The following TTN variants were observed in gnomAD, a reference collection of about 807,000 sequenced individuals.
The protein encoded by TTN is titin, also known as connectin.
Under a neutral mutation model 3,223.0 loss-of-function variants are expected in TTN, and 1,525 were observed. The observed-to-expected ratio is 0.47, with a 90% CI of 0.45 to 0.49. The LOEUF is 0.49. TTN is among the 20% of genes least tolerant of loss of function. The probability of loss-of-function intolerance (pLI) is 0.00; values close to 1 mark genes in which losing one functional copy is unlikely to be tolerated. For missense variants in TTN, 40,786 were observed against 43,424.0 expected (o/e 0.94, Z 5.40); for synonymous variants, 14,094 against 15,161.0 (o/e 0.93, Z 5.17).
rs765097933 is a variant in TTN at position 178,551,708 on chromosome 2, G to A, written c.91192C>T (p.Arg30398Cys). ...CCAGCAGAATTTTCAGCATATACACGGAATTGGTAATCCAGACCTTCTACC... is the reference window on the plus strand; with the variant it reads ...CCAGCAGAATTTTCAGCATATACACAGAATTGGTAATCCAGACCTTCTACC... ...GLVEGLDYQF[R>C]VYAENSAGLS... The change falls in exon 335 of 363, where the codon CGT (arginine) becomes TGT (cysteine). Residue 30398 changes from arginine (R) to cysteine (C), a missense_variant. Coordinates refer to ENST00000589042, the MANE Select transcript of TTN (RefSeq NM_001267550.2). 15 of 1,613,368 alleles carry A rather than the reference G, an allele frequency of 9.3e-6. No homozygotes were observed. Among genetic ancestry groups the A allele is most frequent in the East Asian group, 2.2e-5 (1 of 44,876 alleles).
Position 178,664,518 on chromosome 2 carries a change from T to C in TTN, c.36222A>G (p.Glu12074=). 1 of 1,612,262 alleles carries C rather than the reference T, an allele frequency of 6.2e-7. No homozygotes were observed. The highest frequency in any genetic ancestry group is 8.5e-7 in the Non-Finnish European group (1 of 1,179,434). Residue 12074 remains glutamate (E), a synonymous_variant, in exon 168 of 363, where the codon GAA becomes GAG. Transcript: ENST00000589042. ...LPDEVPEALR[E]VVPEKKVHPP... is the part of the protein sequence containing the mutation. ...GATGCACTTTCTTTTCCGGGACAACTTCTCTGAGAGCCTCCGGCACTTTGA... is the reference window on the plus strand; with the variant it reads ...GATGCACTTTCTTTTCCGGGACAACCTCTCTGAGAGCCTCCGGCACTTTGA...
In TTN at chr2:178,602,459, C is replaced by T; in HGVS notation, c.54943G>A (p.Gly18315Ser). 2 of 1,612,350 alleles carry T rather than the reference C, an allele frequency of 1.2e-6. No individual in the cohort carries two copies. ...KGYIVEMQEE[G>S]TTDWKRVNEP... ...TTTACTCTTTTCCAGTCAGTAGTAC[C>T]TTCTTCTTGCATTTCTACAATGTAT... is the stretch of plus-strand genomic sequence containing the variant. The change falls in exon 283 of 363, where the codon GGT (glycine) becomes AGT (serine). Residue 18315 changes from glycine (G) to serine (S), a missense_variant. Gly to Ser is a moderately conservative substitution (Grantham distance 56). Coordinates refer to ENST00000589042, the MANE Select transcript of TTN (RefSeq NM_001267550.2).
In TTN at chr2:178,617,927, G is replaced by A; in HGVS notation, c.47424C>T (p.Ala15808=). Residue 15808 remains alanine, a synonymous_variant, in exon 253 of 363, where the codon GCC becomes GCT. Transcript: ENST00000589042. ...RDKTSIRWDT[A]MTVRAEDLSA... is the part of the protein sequence containing the mutation. ...ACAGGTCTTCAGCTCTCACAGTCAT[G>A]GCAGTATCCCACCTGATAGAAGTCT... 1 of 1,612,660 alleles carries A rather than the reference G, an allele frequency of 6.2e-7. No individual in the cohort carries two copies. Among genetic ancestry groups the A allele is most frequent in the Non-Finnish European group, 8.5e-7 (1 of 1,179,100 alleles).
intron 22 of TTN, 54 bp downstream of exon 22, chr2:178,779,946 A>G (rs1219079958): frequency 6.4e-7 from 1 of 1,567,304 alleles, no homozygotes; most frequent in East Asian, 2.2e-5. Context: ...TCAAATAAAA[A>G]AAGGAAAGTA....
chr2:178,536,185 C>A lies in TTN; in HGVS notation c.100562G>T (p.Gly33521Val). ...SNATLVCKVT[G>V]HPKPIVKWYR... ...CCATTTGACGATAGGTTTTGGATGA[C>A]CAGTCACTTTGCAGACCAAGGTAGC... is the stretch of plus-strand genomic sequence containing the variant. The change falls in exon 357 of 363, where the codon GGT becomes GTT. Residue 33521 changes from glycine to valine, a missense_variant. Transcript: ENST00000589042. 6.2e-7 allele frequency: 1 copy of A among 1,613,498 alleles called. No homozygotes were observed. The highest frequency in any genetic ancestry group is 8.5e-7 in the Non-Finnish European group (1 of 1,179,632).
At chr2:178,748,025 G>A (rs764527243) in intron 47 of TTN, 2 of 1,612,912 alleles carry the variant, frequency 1.2e-6, no homozygotes, top group Admixed American at 1.7e-5. Context: ...TGGAAATGCT[G>A]CCAACTCTGG....
chr2:178,558,090 G>C lies in TTN; in HGVS notation c.87264C>G (p.Thr29088=). 2 of 1,613,890 alleles carry C rather than the reference G, an allele frequency of 1.2e-6. No homozygotes were observed. The highest frequency in any genetic ancestry group is 1.7e-6 in the Non-Finnish European group (2 of 1,179,836). Residue 29088 remains threonine (T), a synonymous_variant, in exon 328 of 363, where the codon ACC becomes ACG. Transcript: ENST00000589042. ...LSRDGVPLKA[T]MRFNTEITAE... ...CAGTAATTTCGGTATTAAATCTCATGGTTGCCTTAAGGGGGACACCATCTC... is the reference window on the plus strand; with the variant it reads ...CAGTAATTTCGGTATTAAATCTCATCGTTGCCTTAAGGGGGACACCATCTC...
At position 178,593,536 on chromosome 2, in the gene TTN, A is replaced by T; in HGVS notation, c.58732+32T>A. On this transcript the variant is annotated intron_variant, in intron 298 of 362. Coordinates refer to ENST00000589042, the MANE Select transcript of TTN (RefSeq NM_001267550.2). The stretch of plus-strand genomic sequence containing the variant: ...TTTCTTTATATTAGTTTTATCAAGC[A>T]TTGAATCACTAAAAAGAAACATAAT... 6.2e-6 allele frequency: 10 copies of T among 1,602,534 alleles called. No homozygotes were observed. In the Admixed American group the frequency reaches 1.7e-4, roughly 28 times the overall value.
Position 178,622,784 on chromosome 2 carries a change from T to G in TTN, c.44816-17A>C. The G allele has an allele frequency of 6.4e-7, 1 of 1,569,592 alleles. No individual in the cohort carries two copies. Among genetic ancestry groups the G allele is most frequent in the Non-Finnish European group, 8.7e-7 (1 of 1,150,576 alleles). ...CATGAGGAGCTGTAAGAGAATGTCA[T>G]CAGAATTCAAAATGAGGTTTCTGGA... On this transcript the variant is annotated splice_polypyrimidine_tract_variant and intron_variant, in intron 242 of 362. Transcript: ENST00000589042.
Position 178,718,886 on chromosome 2 carries a change from G to C in TTN, c.24314C>G (p.Pro8105Arg), listed in dbSNP as rs1215904654. The change falls in exon 84 of 363, where the codon CCT (proline) becomes CGT (arginine). Residue 8105 changes from proline (P) to arginine (R), a missense_variant. By Grantham distance (103) the Pro-to-Arg change is moderately radical (BLOSUM62 -2). Transcript: ENST00000589042. ...TTTAAACCACTTGACCTTGAAAGGA[G>C]GGGTGCCTCTGATGACACTGGTGAA... The part of the protein sequence containing the change: ...LTFTSVIRGT[P>R]PFKVKWFKGS... The C allele has an allele frequency of 1.2e-6, 2 of 1,613,554 alleles. No individual in the cohort carries two copies. Among genetic ancestry groups the C allele is most frequent in the South Asian group, 2.2e-5 (2 of 91,054 alleles).
rs778208423 is a variant in TTN, at chr2:178,589,684, C to T, written c.62041G>A (p.Gly20681Arg). The change falls in exon 304 of 363, where the codon GGA becomes AGA. Residue 20681 changes from glycine (G) to arginine (R), a missense_variant. By Grantham distance (125) the Gly-to-Arg change is moderately radical. Coordinates refer to ENST00000589042, the MANE Select transcript of TTN (RefSeq NM_001267550.2). Reference protein sequence around the residue: ...EPENLHIADKGKTFVYLKWRR... With the variant: ...EPENLHIADKRKTFVYLKWRR... ...CACTTTAGATAGACAAATGTCTTTC[C>T]TTTATCTGCAATGTGAAGGTTTTCA... 1 of 1,613,514 alleles carries T rather than the reference C, an allele frequency of 6.2e-7. No individual in the cohort carries two copies. The highest frequency in any genetic ancestry group is 8.5e-7 in the Non-Finnish European group (1 of 1,179,610).
chr2:178,682,934 T>C, intron 134 of TTN, 31 bp from the exon 135 acceptor site: 2 of 1,542,086 alleles, frequency 1.3e-6, no homozygotes, highest in Non-Finnish European at 1.8e-6. Context: ...GGCAGCACTT[T>C]ACTTTAAAGC....
Position 178,679,838 on chromosome 2 carries a change from G to C in TTN, c.33580+56C>G, listed in dbSNP as rs2068933548. On this transcript the variant is annotated intron_variant, in intron 140 of 362. Coordinates refer to ENST00000589042, the MANE Select transcript of TTN (RefSeq NM_001267550.2). ...TAACCCCCAGAATCTGACCAAATCA[G>C]ACCCCCAAACTCCAAAGATGCTGTT... 7.5e-6 allele frequency: 12 copies of C among 1,598,918 alleles called. 1 individual carries two copies. The highest frequency in any genetic ancestry group is 1.0e-5 in the Non-Finnish European group (12 of 1,174,324).
chr2:178,604,041 C>T lies in TTN; in HGVS notation c.54646G>A (p.Val18216Ile), dbSNP rs2054164910. The T allele has an allele frequency of 2.5e-6, 4 of 1,612,828 alleles. No homozygotes were observed. The Admixed American group carries it at 5.0e-5, about 20-fold the overall frequency. Residue 18216 changes from valine (V) to isoleucine (I), a missense_variant, in exon 282 of 363, where the codon GTT (valine) becomes ATT (isoleucine). Val to Ile is a conservative substitution (Grantham distance 29). Transcript: ENST00000589042. ...ACTTTGGTTATTGGTGCTCGGCTAA[C>T]ACGTGACCAATAAGGACTTCCCTCT... is the stretch of plus-strand genomic sequence containing the variant. ...REEGSPYWSR[V>I]SRAPITKVGL... is the part of the protein sequence containing the mutation.
Position 178,783,847 on chromosome 2 carries a change from T to C in TTN, c.2776-62A>G, listed in dbSNP as rs1315220641. On this transcript the variant is annotated intron_variant, in intron 16 of 362. Coordinates refer to ENST00000589042, the MANE Select transcript of TTN (RefSeq NM_001267550.2). ...AAATTAAGGGAAATCTCATAAACTC[T>C]TAGCTCATGCAACATTATATAATTA... The C allele has an allele frequency of 2.9e-6, 4 of 1,357,064 alleles. No individual in the cohort carries two copies. In the African/African-American group the frequency reaches 5.8e-5, roughly 20 times the overall value. 84.1% of individuals were successfully genotyped at this position (1,357,064 alleles called of 1,614,324 possible). A position where few individuals can be genotyped will look rare whatever the true frequency, so the allele number is the denominator to read the frequency against.
chr2:178,533,582 T>A lies in TTN; in HGVS notation c.103033A>T (p.Lys34345Ter). 1 of 1,614,022 alleles carries A rather than the reference T, an allele frequency of 6.2e-7. No individual in the cohort carries two copies. ...ARNKYGEDSCKAKLTVTLHPP... is the reference protein window; with the variant it reads ...ARNKYGEDSC ...TGTAGGGTTACTGTCAGCTTTGCTT[T>A]ACAGCTGTCTTCACCATATTTGTTC... The change falls in exon 358 of 363, where the codon AAA (lysine) becomes TAA (stop). Residue 34345 changes from lysine to a stop codon, truncating the protein, a stop_gained. Coordinates refer to ENST00000589042, the MANE Select transcript of TTN (RefSeq NM_001267550.2). LOFTEE classifies it high-confidence loss of function.
Position 178,618,392 on chromosome 2 carries a change from A to T in TTN, c.47066T>A (p.Ile15689Asn). ...EEPLTDGGSKIIGYVVERRDI... is the reference protein window; with the variant it reads ...EEPLTDGGSKNIGYVVERRDI... ...ACGTCTTTCAACAACGTAACCTATG[A>T]TTTTGCTTCCACCATCAGTTAAAGG... The change falls in exon 252 of 363, where the codon ATC becomes AAC. Residue 15689 changes from isoleucine (I) to asparagine (N), a missense_variant. By Grantham distance (149) the Ile-to-Asn change is moderately radical. Coordinates refer to ENST00000589042, the MANE Select transcript of TTN (RefSeq NM_001267550.2). The T allele has an allele frequency of 6.2e-7, 1 of 1,612,454 alleles. No homozygotes were observed. Among genetic ancestry groups the T allele is most frequent in the Non-Finnish European group, 8.5e-7 (1 of 1,179,116 alleles).
At position 178,756,717 on chromosome 2, in the gene TTN, T is replaced by G. The variant is rs370496599; in HGVS notation, c.10759A>C (p.Thr3587Pro). The change falls in exon 46 of 363, where the codon ACA (threonine) becomes CCA (proline). Residue 3587 changes from threonine (T) to proline (P), a missense_variant. By Grantham distance (38) the Thr-to-Pro change is conservative. Coordinates refer to ENST00000589042, the MANE Select transcript of TTN (RefSeq NM_001267550.2). ...TGAGATATTTTGCTCTCCTCCTTTG[T>G]GAAAGAGGAATCTGCCACTGCCTGG... Reference protein sequence around the residue: ...KSQAVADSSFTKEESKISQKE... With the variant: ...KSQAVADSSFPKEESKISQKE... 8.1e-6 allele frequency: 13 copies of G among 1,613,750 alleles called. No homozygotes were observed. The African/African-American group carries it at 1.6e-4, about 20-fold the overall frequency.
chr2:178,530,021 AT>A lies in TTN; in HGVS notation c.106469del (p.Tyr35490LeufsTer5). The A allele has an allele frequency of 1.2e-6, 2 of 1,610,040 alleles. No individual in the cohort carries two copies. The highest frequency in any genetic ancestry group is 1.7e-6 in the Non-Finnish European group (2 of 1,178,964). ...HKTDTSDSGL[Y>X]TCTVKNSAGS... Reference sequence around the variant, plus strand: ...CAGCTGAATTTTTTACTGTACAAGTATAAAGTCCACTGTCAGAAGTATCAGT... The same window carrying A: ...CAGCTGAATTTTTTACTGTACAAGTAAAAGTCCACTGTCAGAAGTATCAGT... On this transcript the variant is annotated frameshift_variant, in exon 359 of 363. Transcript: ENST00000589042. LOFTEE classifies it high-confidence loss of function.
Sources: allele counts gnomAD v4.1 joint callset, GRCh38; gene constraint gnomAD v4.1.1; transcripts MANE v1.5; gene names NCBI Gene and HGNC (gene_info 2026-07-23, HGNC 2026-07-21).